MPZL1: variants seen among roughly 807,000 people sequenced by gnomAD.
MPZL1 encodes myelin protein zero-like protein 1.
A neutral mutation model predicts 29.3 loss-of-function variants in MPZL1; 16 were observed. The observed-to-expected ratio is 0.55, with a 90% CI of 0.37 to 0.83. MPZL1 has a LOEUF of 0.83. Among genes scored for constraint, MPZL1 ranks in the 40% least tolerant of loss-of-function variants. The pLI, the probability that MPZL1 is intolerant of heterozygous loss-of-function variation, is 0.00. For synonymous variants in MPZL1, 143 were observed against 132.0 expected (o/e 1.08, Z -0.57); for missense variants, 279 against 332.9 (o/e 0.84, Z 1.26).
chr1:167,766,773 G>C (rs1661123190), intron 2 of MPZL1, among the ~76,000 whole-genome samples: 1 of 152,126 alleles, frequency 6.6e-6, no homozygotes, highest in African/African-American at 2.4e-5. Flanking sequence ...ACTGACTCAA[G>C]AGTTATTCAC....
chr1:167,766,714 T>C (rs1310203697), intron 2 of MPZL1, among the ~76,000 whole-genome samples: 1 of 152,190 alleles, frequency 6.6e-6, no homozygotes, highest in Non-Finnish European at 1.5e-5. Flanking sequence ...CCTATGCCAT[T>C]TAATCTTCAC....
chr1:167,744,119 T>C (rs920988548), intron 1 of MPZL1, among the ~76,000 whole-genome samples: 3 of 152,122 alleles, frequency 2.0e-5, no homozygotes, highest in Non-Finnish European at 2.9e-5. Context: ...ATTAACTCAT[T>C]TCATTCTTGT....
intron 1 of MPZL1, among the ~76,000 whole-genome samples, chr1:167,748,397 A>G (rs946824648): frequency 6.6e-6 from 1 of 152,132 alleles, no homozygotes; most frequent in South Asian, 2.1e-4. Context: ...TGACTTAGTG[A>G]TCCTTGAGCA....
rs529167995 is a variant in MPZL1, at chr1:167,749,889, G to A, written c.92-15694G>A. 1.2e-4 allele frequency among the ~76,000 whole-genome samples: 19 copies of A among 152,330 alleles called. 1 individual carries two copies. Among genetic ancestry groups the A allele is most frequent in the African/African-American group, 4.6e-4 (19 of 41,572 alleles). On this transcript the variant is annotated intron_variant, in intron 1 of 5. Transcript: ENST00000359523. The stretch of plus-strand genomic sequence containing the variant: ...TGGCCACAGCTGGCCTGATCTGCAT[G>A]GAGTAGACAGTAAGAATGTTAAAAG...
intron 1 of MPZL1, among the ~76,000 whole-genome samples, chr1:167,750,535 C>T (rs971411558): frequency 6.6e-6 from 1 of 152,138 alleles, no homozygotes; most frequent in Non-Finnish European, 1.5e-5. Flanking sequence ...CATTTTATTA[C>T]ATTTGCTTAA....
intron 1 of MPZL1, among the ~76,000 whole-genome samples, chr1:167,755,852 T>G (rs1339337481): frequency 2.6e-5 from 4 of 152,090 alleles, no homozygotes; most frequent in Non-Finnish European, 5.9e-5. Context: ...TGAGTCTCAG[T>G]GTGTGTTTGA....
chr1:167,734,173 G>A (rs192906630), intron 1 of MPZL1, among the ~76,000 whole-genome samples: 5 of 151,364 alleles, frequency 3.3e-5, no homozygotes, highest in East Asian at 2.0e-4. Context: ...GGAGAATGGC[G>A]TGAACCCAGG....
chr1:167,740,015 A>G (rs1405644679), intron 1 of MPZL1, among the ~76,000 whole-genome samples: 1 of 152,120 alleles, frequency 6.6e-6, no homozygotes, highest in Non-Finnish European at 1.5e-5. Flanking sequence ...GTTCATTGTT[A>G]TAATCATTCC....
intron 5 of MPZL1, among the ~76,000 whole-genome samples, chr1:167,779,988 G>C (rs986337654): frequency 6.6e-6 from 1 of 152,128 alleles, no homozygotes; most frequent in African/African-American, 2.4e-5. Flanking sequence ...ATGATAAAGC[G>C]ATCTACTTAC....
Position 167,773,289 on chromosome 1 carries a change from G to A in MPZL1, c.526G>A (p.Val176Ile), listed in dbSNP as rs750959095. Residue 176 changes from valine to isoleucine, a missense_variant, in exon 4 of 6, where the codon GTC becomes ATC. Physicochemically the swap from Val to Ile is conservative, Grantham distance 29. Coordinates refer to ENST00000359523, the MANE Select transcript of MPZL1 (RefSeq NM_003953.6). Reference protein sequence around the residue: ...WVVVGIVTAVVLGLTLLISMI... With the variant: ...WVVVGIVTAVILGLTLLISMI... ...AGTGGTGGGCATAGTTACTGCTGTG[G>A]TCCTAGGTCTCACTCTGCTCATCAG... The A allele has an allele frequency of 1.2e-6, 2 of 1,613,580 alleles. No individual in the cohort carries two copies. Among genetic ancestry groups the A allele is most frequent in the Non-Finnish European group, 1.7e-6 (2 of 1,179,542 alleles).
chr1:167,751,582 A>G (rs1317507406), intron 1 of MPZL1, among the ~76,000 whole-genome samples: 1 of 151,916 alleles, frequency 6.6e-6, no homozygotes, highest in East Asian at 1.9e-4. Context: ...GAGGCAGGAG[A>G]ATCGCTTGAA....
intron 1 of MPZL1, among the ~76,000 whole-genome samples, chr1:167,736,652 A>G (rs1421182849): frequency 6.6e-6 from 1 of 152,072 alleles, no homozygotes; most frequent in East Asian, 1.9e-4. Flanking sequence ...GATCTCTGCC[A>G]GTGTTTACCT....
At chr1:167,765,984 T>C (rs193249615) in intron 2 of MPZL1, 97 of 310,594 alleles carry the variant, frequency 3.1e-4, no homozygotes, top group African/African-American at 1.6e-3. Flanking sequence ...CATTCTGAAA[T>C]TGATCTTAAT....
chr1:167,771,459 T>C lies in MPZL1; in HGVS notation c.259-816T>C, dbSNP rs549508489. Among the ~76,000 whole-genome samples the C allele has an allele frequency of 1.4e-4, 22 of 152,286 alleles. No homozygotes were observed. In the East Asian group the frequency reaches 1.5e-3, roughly 11 times the overall value. ...TCCCCACATTTCCCCCTTTTCTTTT[T>C]GACAAAACCGCCATCGTCATCATGG... On this transcript the variant is annotated intron_variant, in intron 2 of 5. Coordinates refer to ENST00000359523, the MANE Select transcript of MPZL1 (RefSeq NM_003953.6).
chr1:167,744,268 A>G (rs541079476), intron 1 of MPZL1, among the ~76,000 whole-genome samples: 3 of 152,242 alleles, frequency 2.0e-5, no homozygotes, highest in Non-Finnish European at 2.9e-5. Context: ...TGCAGACCAC[A>G]TAGTCACACC....
At chr1:167,745,864 T>A (rs1408985636) in intron 1 of MPZL1, among the ~76,000 whole-genome samples, 1 of 152,070 alleles carries the variant, frequency 6.6e-6, no homozygotes, top group Non-Finnish European at 1.5e-5. Flanking sequence ...TTCAGGTTTG[T>A]GGTTTACTGC....
intron 1 of MPZL1, among the ~76,000 whole-genome samples, chr1:167,749,715 A>G (rs1280305003): frequency 1.3e-5 from 2 of 152,224 alleles, no homozygotes; most frequent in Non-Finnish European, 1.5e-5. Flanking sequence ...TATGATCTGG[A>G]TACCTTCAAT....
intron 1 of MPZL1, among the ~76,000 whole-genome samples, chr1:167,763,795 G>T (rs1661049255): frequency 6.6e-6 from 1 of 152,110 alleles, no homozygotes; most frequent in Admixed American, 6.5e-5. Flanking sequence ...CTTGTTTTGA[G>T]GTTTGGACCG....
chr1:167,744,611 G>A (rs891969376), intron 1 of MPZL1, among the ~76,000 whole-genome samples: 3 of 151,320 alleles, frequency 2.0e-5, no homozygotes, highest in African/African-American at 4.8e-5. Context: ...TTGAACCCGG[G>A]GGTCAGAGGT....
Sources: gnomAD v4.1 joint callset for allele counts (sites outside exome capture counted in the v4.1 genomes callset) on GRCh38, gnomAD v4.1.1 for gene constraint, MANE v1.5 for transcripts, NCBI Gene and HGNC (gene_info 2026-07-23, HGNC 2026-07-21) for gene names.